The following MED13L variants were observed in gnomAD, a reference collection of about 807,000 sequenced individuals.
The protein encoded by MED13L is mediator of RNA polymerase II transcription subunit 13-like.
Under a neutral mutation model 220.9 loss-of-function variants are expected in MED13L, and 7 were observed. That is an observed-to-expected ratio of 0.03 (90% CI 0.02 to 0.06). The LOEUF is 0.06. MED13L is among the 10% of genes least tolerant of loss of function. The pLI, the probability that MED13L is intolerant of heterozygous loss-of-function variation, is 1.00. For missense variants in MED13L, 1,965 were observed against 2,760.5 expected, an observed-to-expected ratio of 0.71 and a Z score of 6.46; for synonymous variants, 1,011 against 1,015.2, an observed-to-expected ratio of 1.00 and a Z score of 0.08.
intron 5 of MED13L, among the ~76,000 whole-genome samples, 160 bp from the exon 6 acceptor site, chr12:116,020,132 T>TA (rs1879971642): frequency 6.6e-6 from 1 of 152,226 alleles, no homozygotes; most frequent in African/African-American, 2.4e-5. Context: ...GAAATTTTTT[T>TA]AAAAATTATT....
At chr12:116,116,627 G>C (rs1874544481) in intron 2 of MED13L, among the ~76,000 whole-genome samples, 1 of 152,036 alleles carries the variant, frequency 6.6e-6, no homozygotes, top group Non-Finnish European at 1.5e-5. Context: ...CAATTGGTCA[G>C]AAGCTTTGGA....
chr12:116,216,519 G>C (rs1883006821), intron 2 of MED13L, among the ~76,000 whole-genome samples: 1 of 152,112 alleles, frequency 6.6e-6, no homozygotes, highest in Non-Finnish European at 1.5e-5. Context: ...CAAGAAAGAA[G>C]GGGACAGAGA....
At chr12:116,081,033 A>G (rs966113469) in intron 4 of MED13L, among the ~76,000 whole-genome samples, 2 of 152,182 alleles carry the variant, frequency 1.3e-5, no homozygotes, top group Admixed American at 6.5e-5. Flanking sequence ...CTGTTCTTTA[A>G]AGGTCACAAA....
intron 29 of MED13L, among the ~76,000 whole-genome samples, chr12:115,965,447 C>T (rs1876085862): frequency 6.6e-6 from 1 of 151,814 alleles, no homozygotes; most frequent in Non-Finnish European, 1.5e-5. Flanking sequence ...ATCCCACCAA[C>T]ACCAGGGCCT....
At chr12:115,997,482 C>T (rs1300848601) in intron 14 of MED13L, among the ~76,000 whole-genome samples, 1 of 152,200 alleles carries the variant, frequency 6.6e-6, no homozygotes, top group African/African-American at 2.4e-5. Context: ...AGTGCAGTGG[C>T]CTGATCTTGA....
At chr12:116,222,647 G>GGGAATT (rs1868552911) in intron 2 of MED13L, among the ~76,000 whole-genome samples, 1 of 152,158 alleles carries the variant, frequency 6.6e-6, no homozygotes, top group Admixed American at 6.6e-5. Context: ...AACTAATATA[G>GGGAATT]GGAATTCAAG....
intron 16 of MED13L, among the ~76,000 whole-genome samples, chr12:115,993,248 A>C (rs1253698963): frequency 6.6e-6 from 1 of 152,190 alleles, no homozygotes; most frequent in African/African-American, 2.4e-5. Flanking sequence ...GTACTTTCTT[A>C]GATGTATATG....
intron 2 of MED13L, among the ~76,000 whole-genome samples, chr12:116,137,797 G>A (rs1263083963): frequency 2.0e-5 from 3 of 151,322 alleles, no homozygotes; most frequent in Non-Finnish European, 4.4e-5. Context: ...TTGTACCTTG[G>A]AAACAGTAAG....
intron 23 of MED13L, among the ~76,000 whole-genome samples, chr12:115,978,801 A>G (rs1490330780): frequency 6.6e-6 from 1 of 152,228 alleles, no homozygotes; most frequent in Non-Finnish European, 1.5e-5. Context: ...TAAATAAAAT[A>G]TGATTCCCAA....
intron 1 of MED13L, among the ~76,000 whole-genome samples, chr12:116,240,826 C>T (rs1348753908): frequency 6.6e-6 from 1 of 150,524 alleles, no homozygotes; most frequent in Non-Finnish European, 1.5e-5. Flanking sequence ...CACGCCCGGA[C>T]ATCAAGGTGT....
rs1460125883 is a variant in MED13L, at chr12:116,030,594, ACTT to A, written c.480-7996_480-7994del. ...CAACAGAAAGGATTAACAAGATAAA[ACTT>A]CTTTTTTGAGCAGACTAACAGATGA... On this transcript the variant is annotated intron_variant, in intron 4 of 30. Coordinates refer to ENST00000281928, the MANE Select transcript of MED13L (RefSeq NM_015335.5). Among the ~76,000 whole-genome samples the A allele has an allele frequency of 2.6e-5, 4 of 152,098 alleles. No individual in the cohort carries two copies. In the South Asian group the frequency reaches 6.2e-4, roughly 24 times the overall value.
At chr12:116,034,140 A>G (rs886207576) in intron 4 of MED13L, among the ~76,000 whole-genome samples, 1 of 152,086 alleles carries the variant, frequency 6.6e-6, no homozygotes, top group Non-Finnish European at 1.5e-5. Context: ...ATGCTCCTAC[A>G]CATCTCTGTG....
rs36066243 is a variant in MED13L, at chr12:116,103,999, C to CTTTTTTTT, written c.396-7255_396-7248dup. Among the ~76,000 whole-genome samples, 161 of 57,468 alleles carry CTTTTTTTT rather than the reference C, an allele frequency of 2.8e-3. 23 individuals carry two copies. Among genetic ancestry groups the CTTTTTTTT allele is most frequent in the South Asian group, 3.0e-3 (3 of 998 alleles). 37.7% of individuals were successfully genotyped at this position (57,468 alleles called of 152,430 possible). On this transcript the variant is annotated intron_variant, in intron 3 of 30. Transcript: ENST00000281928. ...CACCACCACATCCAAGGACATTGCT[C>CTTTTTTTT]TTTTTTTTTTTTTTTTTTTTTTTTT... is the stretch of plus-strand genomic sequence containing the variant.
Position 115,983,225 on chromosome 12 carries a change from G to C in MED13L, c.4847C>G (p.Pro1616Arg). 1 of 1,614,100 alleles carries C rather than the reference G, an allele frequency of 6.2e-7. No individual in the cohort carries two copies. The highest frequency in any genetic ancestry group is 8.5e-7 in the Non-Finnish European group (1 of 1,179,982). Residue 1616 changes from proline (P) to arginine (R), a missense_variant, in exon 21 of 31, where the codon CCC becomes CGC. Pro to Arg is a moderately radical substitution (Grantham distance 103). Around this residue, in one of 10 missense-constraint regions of MED13L, gnomAD observed 510 missense variants for 620.4 expected, o/e 0.82. Coordinates refer to ENST00000281928, the MANE Select transcript of MED13L (RefSeq NM_015335.5). ...ATCCGCAGAAATGCCCCCAGTGCTG[G>C]GGTTCTGCCCTCCAACACTACCACT... ...GFSGSVGGQN[P>R]STGGISADRT...
intron 5 of MED13L, among the ~76,000 whole-genome samples, chr12:116,021,606 C>T (rs1880063181): frequency 6.6e-6 from 1 of 152,030 alleles, no homozygotes; most frequent in African/African-American, 2.4e-5. Flanking sequence ...TCATGACAGG[C>T]TTTTACAGCA....
rs1354705222 is a variant in MED13L at position 116,124,106 on chromosome 12, AGAGAGAGAGAGAAAGAC to A, written c.311-12611_311-12595del. Among the ~76,000 whole-genome samples, 168 of 142,188 alleles carry A rather than the reference AGAGAGAGAGAGAAAGAC, an allele frequency of 1.2e-3. 2 individuals carry two copies. Among genetic ancestry groups the A allele is most frequent in the African/African-American group, 4.2e-3 (157 of 36,946 alleles). The allele number at this position is 142,188 out of a possible 152,430, so 93.3% of individuals were successfully genotyped here. A position where few individuals can be genotyped will look rare whatever the true frequency, so the allele number is the denominator to read the frequency against. On this transcript the variant is annotated intron_variant, in intron 2 of 30. Transcript: ENST00000281928. ...CAAATGTAGCAAAAATAACATCTGC[AGAGAGAGAGAGAAAGAC>A]GAGAGAGAGAGAGAGAGAGAGAGAG...
chr12:116,115,067 A>G (rs1265633548), intron 2 of MED13L, among the ~76,000 whole-genome samples: 1 of 152,188 alleles, frequency 6.6e-6, no homozygotes, highest in Admixed American at 6.5e-5. Context: ...CTGAGTCTAT[A>G]TATTTATATG....
Position 115,975,634 on chromosome 12 carries a change from G to A in MED13L, c.5469C>T (p.Tyr1823=). ...GETFGEASQK[Y]NVLFVGYCLS... is the part of the protein sequence containing the mutation. Reference sequence around the variant, plus strand: ...GACAATAGCCCACGAAGAGCACATTGTATTTCTGGCTCGCCTCACCAAACG... The same window carrying A: ...GACAATAGCCCACGAAGAGCACATTATATTTCTGGCTCGCCTCACCAAACG... Residue 1823 remains tyrosine (Y), a synonymous_variant, in exon 24 of 31, where the codon TAC becomes TAT. Transcript: ENST00000281928. 6.2e-7 allele frequency: 1 copy of A among 1,614,094 alleles called. No homozygotes were observed. Among genetic ancestry groups the A allele is most frequent in the Non-Finnish European group, 8.5e-7 (1 of 1,180,016 alleles).
intron 7 of MED13L, among the ~76,000 whole-genome samples, chr12:116,018,478 C>A (rs1165404368): frequency 6.6e-6 from 1 of 152,110 alleles, no homozygotes; most frequent in Non-Finnish European, 1.5e-5. Context: ...GCCAGCTTGG[C>A]CCACATTCAA....
Sources: allele counts gnomAD v4.1 joint callset (sites outside exome capture counted in the v4.1 genomes callset), GRCh38; gene constraint gnomAD v4.1.1; regional missense constraint gnomAD v4.1.1; transcripts MANE v1.5; gene names NCBI Gene and HGNC (gene_info 2026-07-23, HGNC 2026-07-21).